The following C2orf66 variants were observed in gnomAD, a reference collection of about 807,000 sequenced individuals.
C2orf66 encodes the protein chromosome 2 open reading frame 66.
In C2orf66, 6 loss-of-function variants were observed where a neutral mutation model predicts 7.0. The observed-to-expected ratio is 0.86, with a 90% CI of 0.47 to 1.69. The LOEUF is 1.69. Ranked by LOEUF, C2orf66 falls within the 40% of genes most tolerant of loss-of-function variation. C2orf66 has a pLI of 0.01. For missense variants in C2orf66, 107 were observed against 112.0 expected, an observed-to-expected ratio of 0.96 and a Z score of 0.20; for synonymous variants, 38 against 43.8, an observed-to-expected ratio of 0.87 and a Z score of 0.52.
At position 196,809,335 on chromosome 2, in the gene C2orf66, ATGG is replaced by A. The variant is rs1253649422; in HGVS notation, c.-2_1del. 6.2e-7 allele frequency: 1 copy of A among 1,614,030 alleles called. No individual in the cohort carries two copies. Among genetic ancestry groups the A allele is most frequent in the South Asian group, 1.1e-5 (1 of 91,056 alleles). On this transcript the variant is annotated start_lost and start_retained_variant and 5_prime_UTR_variant, in exon 1 of 3. Coordinates refer to ENST00000342506, the MANE Select transcript of C2orf66 (RefSeq NM_213608.3). Reference sequence around the variant, plus strand: ...TAGTAGCAGGAGAGGTGCTCTGGTCATGGTGGAGTGAAGCTGAGTGAAAGAGGG... The same window carrying A: ...TAGTAGCAGGAGAGGTGCTCTGGTCATGGAGTGAAGCTGAGTGAAAGAGGG...
chr2:196,807,550 T>A lies in C2orf66; in HGVS notation c.196A>T (p.Thr66Ser), dbSNP rs141825654. The A allele has an allele frequency of 6.2e-7, 1 of 1,613,814 alleles. No homozygotes were observed. The highest frequency in any genetic ancestry group is 1.1e-5 in the South Asian group (1 of 91,052). ...DLGTFPNPFP[T>S]NENPRPLSFQ... ...GAGAGAGGTCTAGGATTTTCATTCG[T>A]GGGGAAAGGATTTGGAAATGTTCCA... Residue 66 changes from threonine (T) to serine (S), a missense_variant, in exon 2 of 3, where the codon ACG (threonine) becomes TCG (serine). By Grantham distance (58) the Thr-to-Ser change is moderately conservative. Transcript: ENST00000342506.
the C2orf66 span, among the ~76,000 whole-genome samples, chr2:196,831,606 C>A: frequency 6.6e-6 from 1 of 152,102 alleles, no homozygotes; most frequent in South Asian, 2.1e-4. Flanking sequence ...CTGTCCAAAC[C>A]CAAAGAATGG....
the C2orf66 span, among the ~76,000 whole-genome samples, chr2:196,815,527 G>C: frequency 6.6e-6 from 1 of 152,070 alleles, no homozygotes; most frequent in Non-Finnish European, 1.5e-5. Context: ...GGGACAAAAG[G>C]GTGTGGTAGC....
chr2:196,828,228 TCTCACACACACACA>T, the C2orf66 span, among the ~76,000 whole-genome samples: 565 of 127,380 alleles, frequency 4.4e-3, 3 homozygotes, highest in African/African-American at 0.018. Flanking sequence ...TCTCTCTCTC[TCTCACACACACACA>T]CACACACACA....
chr2:196,818,723 C>T, the C2orf66 span, among the ~76,000 whole-genome samples: 1 of 152,356 alleles, frequency 6.6e-6, no homozygotes, highest in Admixed American at 6.5e-5. Flanking sequence ...CCAACCCCTT[C>T]TCTCATCTCA....
chr2:196,812,607 A>G (rs939011644), upstream of C2orf66, among the ~76,000 whole-genome samples: 2 of 152,222 alleles, frequency 1.3e-5, no homozygotes, highest in African/African-American at 2.4e-5. Flanking sequence ...AGAAAGAAAT[A>G]AAGTGTATTC....
At chr2:196,809,582 AGC>A (rs2125758577), upstream of C2orf66, 1 of 437,808 alleles carries the variant, frequency 2.3e-6, no homozygotes, top group South Asian at 7.1e-5. Flanking sequence ...TACAGTGATA[AGC>A]AAAACAATTA....
At chr2:196,825,222 C>CAAAAAA in the C2orf66 span, among the ~76,000 whole-genome samples, 2 of 54,290 alleles carry the variant, frequency 3.7e-5, no homozygotes, top group African/African-American at 1.4e-4. Context: ...GACTCTGTCT[C>CAAAAAA]AAAAAAAAAA....
At chr2:196,811,636 G>C (rs1699878082), upstream of C2orf66, among the ~76,000 whole-genome samples, 1 of 152,102 alleles carries the variant, frequency 6.6e-6, no homozygotes, top group Non-Finnish European at 1.5e-5. Context: ...ATTCTGTTTG[G>C]AATGTGTTGA....
At position 196,807,602 on chromosome 2, in the gene C2orf66, T is replaced by C; in HGVS notation, c.144A>G (p.Ala48=). 6.2e-7 allele frequency: 1 copy of C among 1,609,740 alleles called. No homozygotes were observed. The highest frequency in any genetic ancestry group is 8.5e-7 in the Non-Finnish European group (1 of 1,179,066). The change falls in exon 2 of 3, where the codon GCA becomes GCG. Residue 48 remains alanine, a synonymous_variant. Coordinates refer to ENST00000342506, the MANE Select transcript of C2orf66 (RefSeq NM_213608.3). ...NRDLFFRRLQ[A]YFKGRGLDLG... ...GATCAAGACCTCTGCCCTTAAAATA[T>C]GCCTGAAGCCTTCTGAAAAACTAAA...
chr2:196,821,615 G>A, the C2orf66 span, among the ~76,000 whole-genome samples: 1 of 152,040 alleles, frequency 6.6e-6, no homozygotes, highest in African/African-American at 2.4e-5. Context: ...GATACAAAAG[G>A]GATGAGAAAA....
At chr2:196,829,621 GGT>G in the C2orf66 span, among the ~76,000 whole-genome samples, 1 of 150,826 alleles carries the variant, frequency 6.6e-6, no homozygotes, top group Non-Finnish European at 1.5e-5. Context: ...ACAGGGGCCG[GGT>G]GCAGTGGCTC....
the C2orf66 span, among the ~76,000 whole-genome samples, chr2:196,823,892 C>T: frequency 6.6e-5 from 10 of 152,080 alleles, no homozygotes; most frequent in African/African-American, 2.4e-4. Flanking sequence ...GCTAAATGTA[C>T]TGCCATTGAC....
At chr2:196,826,768 C>G in the C2orf66 span, among the ~76,000 whole-genome samples, 1 of 152,104 alleles carries the variant, frequency 6.6e-6, no homozygotes, top group Non-Finnish European at 1.5e-5. Flanking sequence ...CGCAGTGGCT[C>G]ACACCTGTAA....
the C2orf66 span, among the ~76,000 whole-genome samples, chr2:196,825,929 T>C: frequency 6.6e-6 from 1 of 152,184 alleles, no homozygotes; most frequent in African/African-American, 2.4e-5. Flanking sequence ...TTAAGAATAA[T>C]GTGATGCAGT....
chr2:196,821,978 C>T, the C2orf66 span, among the ~76,000 whole-genome samples: 19 of 106,250 alleles, frequency 1.8e-4, no homozygotes, highest in South Asian at 1.0e-3. Flanking sequence ...AGTCTTGGCA[C>T]GATCTTGTCT....
chr2:196,817,875 G>A, the C2orf66 span, among the ~76,000 whole-genome samples: 1 of 152,158 alleles, frequency 6.6e-6, no homozygotes, highest in Non-Finnish European at 1.5e-5. Context: ...CCCACAGGCA[G>A]TCAGACCTTA....
chr2:196,823,836 G>T, the C2orf66 span, among the ~76,000 whole-genome samples: 1 of 152,016 alleles, frequency 6.6e-6, no homozygotes, highest in African/African-American at 2.4e-5. Flanking sequence ...TTGTAAGATG[G>T]ATATTACTAG....
At chr2:196,823,843 C>G in the C2orf66 span, among the ~76,000 whole-genome samples, 1 of 151,980 alleles carries the variant, frequency 6.6e-6, no homozygotes, top group African/African-American at 2.4e-5. Flanking sequence ...ATGGATATTA[C>G]TAGCTACAAT....
Sources: allele counts gnomAD v4.1 joint callset (sites outside exome capture counted in the v4.1 genomes callset), GRCh38; gene constraint gnomAD v4.1.1; transcripts MANE v1.5; gene names NCBI Gene and HGNC (gene_info 2026-07-23, HGNC 2026-07-21).